The following WWOX variants were observed in gnomAD, a reference collection of about 807,000 sequenced individuals.
WWOX encodes WW domain-containing oxidoreductase.
Under a neutral mutation model 46.2 loss-of-function variants are expected in WWOX, and 69 were observed. The ratio of observed to expected loss-of-function variants is 1.49; its 90% CI spans 1.23 to 1.82. WWOX has a LOEUF of 1.82. Ranked by LOEUF, WWOX falls within the 40% of genes most tolerant of loss-of-function variation. The pLI, the probability that WWOX is intolerant of heterozygous loss-of-function variation, is 0.00. For synonymous variants in WWOX, 359 were observed against 202.6 expected (o/e 1.77, Z -6.56); for missense variants, 919 against 542.6 (o/e 1.69, Z -6.89).
chr16:78,736,519 C>G (rs1412113059), intron 8 of WWOX, among the ~76,000 whole-genome samples: 1 of 152,186 alleles, frequency 6.6e-6, no homozygotes, highest in South Asian at 2.1e-4. Flanking sequence ...CACATATCAT[C>G]AAATTCATGA....
At chr16:78,800,037 G>A (rs1037118743) in intron 8 of WWOX, among the ~76,000 whole-genome samples, 1 of 152,048 alleles carries the variant, frequency 6.6e-6, no homozygotes, top group South Asian at 2.1e-4. Context: ...AGAAGGGAAG[G>A]AACACTTGGG....
At chr16:79,157,621 T>C (rs2050407177) in intron 8 of WWOX, among the ~76,000 whole-genome samples, 2 of 152,128 alleles carry the variant, frequency 1.3e-5, no homozygotes, top group Non-Finnish European at 2.9e-5. Context: ...ATACAGGTTT[T>C]ATTATTATTT....
intron 5 of WWOX, among the ~76,000 whole-genome samples, chr16:78,209,635 A>G (rs1391734677): frequency 6.6e-6 from 1 of 152,150 alleles, no homozygotes; most frequent in Non-Finnish European, 1.5e-5. Flanking sequence ...GAGAGAGTAT[A>G]CATGTGGAGT....
chr16:78,500,670 C>A lies in WWOX; in HGVS notation c.1056+67918C>A, dbSNP rs141825729. 2.4e-3 allele frequency among the ~76,000 whole-genome samples: 359 copies of A among 152,260 alleles called. 1 individual carries two copies. Among genetic ancestry groups the A allele is most frequent in the African/African-American group, 8.0e-3 (334 of 41,550 alleles). ...TAGCTTGGGTATCATCGTGGTTATT[C>A]CAAGCAGTCTTCCAGCTGGACTAGC... is the stretch of plus-strand genomic sequence containing the variant. On this transcript the variant is annotated intron_variant, in intron 8 of 8. Transcript: ENST00000566780.
At chr16:78,658,179 C>T (rs1215759436) in intron 8 of WWOX, among the ~76,000 whole-genome samples, 1 of 152,144 alleles carries the variant, frequency 6.6e-6, no homozygotes, top group African/African-American at 2.4e-5. Context: ...CTGCCAGATA[C>T]CCCTGGGGAA....
chr16:78,340,685 T>G lies in WWOX; in HGVS notation c.517-46175T>G, dbSNP rs139759244. On this transcript the variant is annotated intron_variant, in intron 5 of 8. Coordinates refer to ENST00000566780, the MANE Select transcript of WWOX (RefSeq NM_016373.4). ...TGGGAAAACCACTGTGTTTGAATGT[T>G]TGCATGTGTCCTGTTGGCAGAACAA... Among the ~76,000 whole-genome samples, 2 of 119,888 alleles carry G rather than the reference T, an allele frequency of 1.7e-5. 1 individual carries two copies. Among genetic ancestry groups the G allele is most frequent in the African/African-American group, 5.6e-5 (2 of 35,464 alleles). 78.7% of individuals were successfully genotyped at this position (119,888 alleles called of 152,430 possible).
chr16:78,212,933 A>T (rs2061389905), intron 5 of WWOX, among the ~76,000 whole-genome samples: 2 of 152,248 alleles, frequency 1.3e-5, no homozygotes, highest in South Asian at 4.2e-4. Flanking sequence ...ATCTGACCAC[A>T]GATGGGAGGT....
At chr16:78,816,620 T>C (rs2051337862) in intron 8 of WWOX, among the ~76,000 whole-genome samples, 2 of 149,222 alleles carry the variant, frequency 1.3e-5, no homozygotes, top group South Asian at 4.3e-4. Context: ...GTTGTAATAG[T>C]AAATACAGAT....
At chr16:78,201,367 G>A (rs2036225064) in intron 5 of WWOX, among the ~76,000 whole-genome samples, 1 of 152,184 alleles carries the variant, frequency 6.6e-6, no homozygotes, top group East Asian at 1.9e-4. Context: ...GAGGAGGCAT[G>A]ACCGGAAGGT....
At chr16:78,223,109 C>T (rs747913118) in intron 5 of WWOX, among the ~76,000 whole-genome samples, 2 of 152,254 alleles carry the variant, frequency 1.3e-5, no homozygotes, top group African/African-American at 4.8e-5. Flanking sequence ...GTACCTGCTG[C>T]TTGTAGGCTG....
At chr16:78,785,985 C>T (rs931959105) in intron 8 of WWOX, among the ~76,000 whole-genome samples, 6 of 152,200 alleles carry the variant, frequency 3.9e-5, no homozygotes, top group African/African-American at 1.4e-4. Context: ...CTGCTCACCG[C>T]AACCTCCGCC....
chr16:78,421,908 C>A (rs966427560), intron 6 of WWOX, among the ~76,000 whole-genome samples: 1 of 152,114 alleles, frequency 6.6e-6, no homozygotes, highest in African/African-American at 2.4e-5. Context: ...GTGAATCTTT[C>A]AATTCTCATG....
intron 8 of WWOX, among the ~76,000 whole-genome samples, chr16:79,100,527 C>G (rs913127271): frequency 2.2e-4 from 33 of 152,222 alleles, no homozygotes; most frequent in Middle Eastern, 3.4e-3. Context: ...TCTGAATACC[C>G]CGTTAGTTCC....
intron 8 of WWOX, among the ~76,000 whole-genome samples, chr16:78,698,687 A>G (rs112848249): frequency 1.3e-5 from 2 of 152,140 alleles, no homozygotes. Flanking sequence ...AACCTTAAGT[A>G]TTCTTAAGCC....
At chr16:78,157,159 C>T (rs923952084) in intron 4 of WWOX, among the ~76,000 whole-genome samples, 1 of 152,090 alleles carries the variant, frequency 6.6e-6, no homozygotes, top group African/African-American at 2.4e-5. Context: ...AAGGGACCCA[C>T]AGTCCACCAT....
At chr16:78,478,703 A>G (rs2084414150) in intron 8 of WWOX, among the ~76,000 whole-genome samples, 1 of 152,218 alleles carries the variant, frequency 6.6e-6, no homozygotes, top group South Asian at 2.1e-4. Flanking sequence ...TGCAGGCTCC[A>G]AAGGTGCTTA....
At chr16:78,694,640 A>C (rs1020506064) in intron 8 of WWOX, among the ~76,000 whole-genome samples, 2 of 152,186 alleles carry the variant, frequency 1.3e-5, no homozygotes, top group Non-Finnish European at 1.5e-5. Context: ...CTGCATGCCC[A>C]TGTAAATACT....
intron 8 of WWOX, among the ~76,000 whole-genome samples, chr16:78,706,749 C>T (rs902743722): frequency 2.6e-5 from 4 of 152,176 alleles, no homozygotes; most frequent in African/African-American, 7.2e-5. Context: ...GCAATTGGCA[C>T]CTCAGATGGT....
intron 8 of WWOX, among the ~76,000 whole-genome samples, chr16:78,856,706 A>G (rs1384960980): frequency 2.0e-5 from 3 of 152,224 alleles, no homozygotes; most frequent in Non-Finnish European, 4.4e-5. Flanking sequence ...ATAATTCAGT[A>G]CTTTAAAAAA....
Sources: gnomAD v4.1 joint callset for allele counts (sites outside exome capture counted in the v4.1 genomes callset) on GRCh38, gnomAD v4.1.1 for gene constraint, MANE v1.5 for transcripts, NCBI Gene and HGNC (gene_info 2026-07-23, HGNC 2026-07-21) for gene names.